CDKAL1: variants seen among roughly 807,000 people sequenced by gnomAD.
The protein encoded by CDKAL1 is threonylcarbamoyladenosine tRNA methylthiotransferase.
In CDKAL1, 32 loss-of-function variants were observed where a neutral mutation model predicts 68.2. The observed-to-expected ratio is 0.47, with a 90% confidence interval of 0.35 to 0.63. The LOEUF (loss-of-function observed/expected upper bound fraction) is 0.63. Among genes scored for constraint, CDKAL1 ranks in the 30% least tolerant of loss-of-function variants. The pLI is 0.00. For synonymous variants in CDKAL1, 234 were observed against 244.3 expected (o/e 0.96, Z 0.39); for missense variants, 606 against 696.7 (o/e 0.87, Z 1.47).
At chr6:21,205,886 G>C (rs1163667248) in intron 15 of CDKAL1, among the ~76,000 whole-genome samples, 5 of 135,198 alleles carry the variant, frequency 3.7e-5, no homozygotes, top group Admixed American at 2.4e-4. Flanking sequence ...CCAGGCTGGA[G>C]TGCAGTGGCG....
At chr6:21,075,206 G>A (rs1047838117) in intron 12 of CDKAL1, among the ~76,000 whole-genome samples, 1 of 152,048 alleles carries the variant, frequency 6.6e-6, no homozygotes, top group Non-Finnish European at 1.5e-5. Context: ...TCTGAGATAC[G>A]TTTTATTTCT....
intron 4 of CDKAL1, among the ~76,000 whole-genome samples, chr6:20,648,383 C>T (rs1305003332): frequency 2.0e-5 from 3 of 152,096 alleles, no homozygotes; most frequent in Non-Finnish European, 4.4e-5. Context: ...CCTCCACAGC[C>T]TCCCAAAGTG....
At chr6:20,541,024 T>A (rs1763369039) in intron 2 of CDKAL1, among the ~76,000 whole-genome samples, 1 of 152,038 alleles carries the variant, frequency 6.6e-6, no homozygotes, top group Non-Finnish European at 1.5e-5. Flanking sequence ...GCTAGGAGAG[T>A]GTGGCATCCT....
chr6:20,568,499 C>A (rs1764553224), intron 4 of CDKAL1, among the ~76,000 whole-genome samples: 1 of 151,804 alleles, frequency 6.6e-6, no homozygotes, highest in African/African-American at 2.4e-5. Flanking sequence ...CTTTGGGAGG[C>A]CGAGGCGGGC....
At chr6:20,797,760 C>CTTTTAT (rs1554122614) in intron 8 of CDKAL1, among the ~76,000 whole-genome samples, 1 of 119,406 alleles carries the variant, frequency 8.4e-6, no homozygotes, top group African/African-American at 3.4e-5. Flanking sequence ...TGATTGATTG[C>CTTTTAT]TTTATTTTAT....
Position 20,890,433 on chromosome 6 carries a change from C to A in CDKAL1, c.742+44255C>A, listed in dbSNP as rs189870144. Among the ~76,000 whole-genome samples the A allele has an allele frequency of 3.1e-3, 479 of 152,242 alleles. 2 individuals are homozygous for A. The highest frequency in any genetic ancestry group is 8.8e-3 in the African/African-American group (367 of 41,530). On this transcript the variant is annotated intron_variant, in intron 9 of 15. Coordinates refer to ENST00000274695, the MANE Select transcript of CDKAL1 (RefSeq NM_017774.3). ...CATTCATGAGGAGAAAAGTGCTCAG[C>A]AATAGATGTGGAAAAATCAGTGAGC... is the stretch of plus-strand genomic sequence containing the variant.
intron 13 of CDKAL1, among the ~76,000 whole-genome samples, chr6:21,134,790 A>G (rs1048651819): frequency 2.6e-5 from 4 of 152,194 alleles, no homozygotes; most frequent in African/African-American, 9.7e-5. Context: ...TGACATCTTA[A>G]GAGTTTCAAA....
At chr6:21,068,055 T>C (rs370952562) in intron 12 of CDKAL1, among the ~76,000 whole-genome samples, 4 of 132,584 alleles carry the variant, frequency 3.0e-5, no homozygotes, top group Non-Finnish European at 6.5e-5. Context: ...GGTTTACCAG[T>C]TGGATTTACA....
chr6:20,594,789 A>G (rs1055837367), intron 4 of CDKAL1, among the ~76,000 whole-genome samples: 20 of 152,084 alleles, frequency 1.3e-4, no homozygotes, highest in Admixed American at 2.6e-4. Context: ...GGTCTTTACA[A>G]TTTGGTATGT....
intron 5 of CDKAL1, among the ~76,000 whole-genome samples, chr6:20,658,700 G>T (rs1769142913): frequency 1.3e-5 from 2 of 152,000 alleles, no homozygotes; most frequent in Non-Finnish European, 2.9e-5. Flanking sequence ...TAGAGAAGTG[G>T]TTACCTTTTC....
At chr6:20,559,890 G>A (rs1420219413) in intron 4 of CDKAL1, among the ~76,000 whole-genome samples, 2 of 152,152 alleles carry the variant, frequency 1.3e-5, no homozygotes, top group Non-Finnish European at 2.9e-5. Context: ...AATAGCGTGT[G>A]TTTAAATATT....
chr6:20,950,371 G>T (rs564967318), intron 9 of CDKAL1, among the ~76,000 whole-genome samples: 1 of 152,050 alleles, frequency 6.6e-6, no homozygotes, highest in Non-Finnish European at 1.5e-5. Context: ...TGATCCGCCC[G>T]CCTTGGCCTC....
chr6:20,699,334 A>G (rs73377331), intron 5 of CDKAL1, among the ~76,000 whole-genome samples: 1,724 of 151,860 alleles, frequency 0.011, 30 homozygotes, highest in African/African-American at 0.035. Context: ...AATCAGATTC[A>G]TGTGCTTCTT....
chr6:20,796,819 T>G (rs1473809376), intron 8 of CDKAL1, among the ~76,000 whole-genome samples: 3 of 152,216 alleles, frequency 2.0e-5, no homozygotes, highest in Non-Finnish European at 4.4e-5. Context: ...AAATGTTAAA[T>G]GTATATGAAA....
chr6:21,093,859 G>A lies in CDKAL1; in HGVS notation c.1237-14542G>A, dbSNP rs147592945. 7.9e-3 allele frequency among the ~76,000 whole-genome samples: 1,184 copies of A among 149,304 alleles called. 12 individuals are homozygous for A. Among genetic ancestry groups the A allele is most frequent in the African/African-American group, 0.028 (1,124 of 40,476 alleles). On this transcript the variant is annotated intron_variant, in intron 12 of 15. Transcript: ENST00000274695. ...ACCTCCCACCTTAGCCTCCTGAGTA[G>A]CTGGGTGTGACGGTAGGTGCACCAC...
At chr6:20,632,608 G>C (rs903545265) in intron 4 of CDKAL1, among the ~76,000 whole-genome samples, 3 of 152,166 alleles carry the variant, frequency 2.0e-5, no homozygotes, top group Non-Finnish European at 4.4e-5. Flanking sequence ...CTGACAACTA[G>C]TCTGTTTTTC....
intron 13 of CDKAL1, among the ~76,000 whole-genome samples, chr6:21,160,140 A>G (rs963086687): frequency 2.0e-5 from 3 of 152,166 alleles, no homozygotes; most frequent in Admixed American, 1.3e-4. Context: ...CGTGGTCCAC[A>G]TTGCAGACCC....
intron 5 of CDKAL1, among the ~76,000 whole-genome samples, chr6:20,659,058 G>A (rs1769163939): frequency 6.6e-6 from 1 of 151,960 alleles, no homozygotes; most frequent in Admixed American, 6.6e-5. Flanking sequence ...TTGAACTCCT[G>A]ACCTCAATCA....
At chr6:21,118,518 T>C (rs548844414) in intron 13 of CDKAL1, among the ~76,000 whole-genome samples, 1 of 152,370 alleles carries the variant, frequency 6.6e-6, no homozygotes, top group East Asian at 1.9e-4. Flanking sequence ...AATAGTGAGA[T>C]GAAAGTATTT....
Sources: gnomAD v4.1 joint callset for allele counts (sites outside exome capture counted in the v4.1 genomes callset) on GRCh38, gnomAD v4.1.1 for gene constraint, MANE v1.5 for transcripts, NCBI Gene and HGNC (gene_info 2026-07-23, HGNC 2026-07-21) for gene names.